The following ELMO1 variants were observed in gnomAD, a reference collection of about 807,000 sequenced individuals.
ELMO1 encodes engulfment and cell motility 1, also known as engulfment and cell motility protein 1.
A neutral mutation model predicts 98.9 loss-of-function variants in ELMO1; 26 were observed. The ratio of observed to expected loss-of-function variants is 0.26; its 90% confidence interval spans 0.19 to 0.36. ELMO1 has a LOEUF of 0.36. Ranked by LOEUF, ELMO1 falls within the 10% of genes least tolerant of loss-of-function variation. ELMO1 has a pLI of 1.00. For synonymous variants in ELMO1, 346 were observed against 346.0 expected (o/e 1.00, Z 0.00); for missense variants, 627 against 935.2 (o/e 0.67, Z 4.30).
chr7:36,910,194 T>C (rs897500827), intron 16 of ELMO1, among the ~76,000 whole-genome samples: 3 of 152,258 alleles, frequency 2.0e-5, no homozygotes, highest in Non-Finnish European at 2.9e-5. Context: ...GTCCGGTTGA[T>C]GGATCTGCCA....
At chr7:36,991,789 C>T (rs891612394) in intron 16 of ELMO1, among the ~76,000 whole-genome samples, 2 of 152,116 alleles carry the variant, frequency 1.3e-5, no homozygotes, top group South Asian at 2.1e-4. Context: ...AGGAGAGTAA[C>T]AAAAAATGCA....
At chr7:37,187,005 G>C (rs1187515342) in intron 13 of ELMO1, among the ~76,000 whole-genome samples, 1 of 152,172 alleles carries the variant, frequency 6.6e-6, no homozygotes, top group Non-Finnish European at 1.5e-5. Context: ...AACTTATACA[G>C]AAGTGTTCAT....
chr7:37,315,913 C>T lies in ELMO1; in HGVS notation c.119+7G>A, dbSNP rs776104750. ...AATGCCTTAGATAAATCCTGAGTAA[C>T]ACTTACCCATCACAGACTTCCTTTA... On this transcript the variant is annotated splice_region_variant and intron_variant, in intron 3 of 21. Coordinates refer to ENST00000310758, the MANE Select transcript of ELMO1 (RefSeq NM_014800.11). 6.3e-7 allele frequency: 1 copy of T among 1,599,832 alleles called. No homozygotes were observed. Among genetic ancestry groups the T allele is most frequent in the Non-Finnish European group, 8.5e-7 (1 of 1,175,656 alleles).
chr7:37,392,093 CG>C (rs1803104477), intron 1 of ELMO1, among the ~76,000 whole-genome samples: 1 of 152,096 alleles, frequency 6.6e-6, no homozygotes, highest in Admixed American at 6.5e-5. Context: ...GTCTGCAACC[CG>C]GGGAAGTTAA....
intron 1 of ELMO1, among the ~76,000 whole-genome samples, chr7:37,430,308 C>A (rs948973972): frequency 6.6e-6 from 1 of 152,206 alleles, no homozygotes; most frequent in Non-Finnish European, 1.5e-5. Context: ...GTGCCCACTG[C>A]GACCTCATCT....
chr7:37,246,304 T>C (rs184959587), intron 6 of ELMO1, among the ~76,000 whole-genome samples: 1 of 152,310 alleles, frequency 6.6e-6, no homozygotes, highest in African/African-American at 2.4e-5. Flanking sequence ...AGATAAGAAA[T>C]GTCAATGCCA....
rs181320598 is a variant in ELMO1 at position 37,009,442 on chromosome 7, A to G, written c.1437+3857T>C. On this transcript the variant is annotated intron_variant, in intron 16 of 21. Transcript: ENST00000310758. Reference sequence around the variant, plus strand: ...AAAACATTCCATCTGCTGCTTCCCAAGCCCGGAAGAGCAGACGACAGCTGC... The same window carrying G: ...AAAACATTCCATCTGCTGCTTCCCAGGCCCGGAAGAGCAGACGACAGCTGC... 9.8e-5 allele frequency among the ~76,000 whole-genome samples: 15 copies of G among 152,318 alleles called. No individual in the cohort carries two copies. In the East Asian group the frequency reaches 2.9e-3, roughly 29 times the overall value.
intron 14 of ELMO1, among the ~76,000 whole-genome samples, chr7:37,107,442 C>A (rs1006981076): frequency 6.6e-6 from 1 of 152,128 alleles, no homozygotes; most frequent in Non-Finnish European, 1.5e-5. Context: ...CTGTGGAATG[C>A]AAGAAAGACT....
At chr7:37,409,084 C>T (rs1304660882) in intron 1 of ELMO1, among the ~76,000 whole-genome samples, 1 of 148,898 alleles carries the variant, frequency 6.7e-6, no homozygotes, top group Non-Finnish European at 1.5e-5. Flanking sequence ...AGCACAATAT[C>T]AGCAGAAAGG....
chr7:37,374,710 C>T (rs1163287104), intron 1 of ELMO1, among the ~76,000 whole-genome samples: 1 of 151,736 alleles, frequency 6.6e-6, no homozygotes, highest in Non-Finnish European at 1.5e-5. Context: ...AAGATTGCAT[C>T]ACTGCACTCC....
chr7:37,380,455 G>A (rs976781678), intron 1 of ELMO1, among the ~76,000 whole-genome samples: 3 of 152,120 alleles, frequency 2.0e-5, no homozygotes, highest in African/African-American at 7.2e-5. Context: ...ATTTTACCTG[G>A]GATAGGATGA....
chr7:37,299,586 G>A (rs1282654333), intron 4 of ELMO1, among the ~76,000 whole-genome samples: 6 of 57,640 alleles, frequency 1.0e-4, no homozygotes, highest in Non-Finnish European at 1.8e-4. Flanking sequence ...GTAGGTATGC[G>A]GCGTTATTTC....
chr7:37,334,260 A>G (rs1800276388), intron 2 of ELMO1, among the ~76,000 whole-genome samples: 1 of 152,168 alleles, frequency 6.6e-6, no homozygotes, highest in Admixed American at 6.5e-5. Flanking sequence ...AGCCTGGCCA[A>G]CATGATGAAA....
chr7:37,218,916 T>A (rs10233014), intron 10 of ELMO1, among the ~76,000 whole-genome samples: 43,956 of 152,152 alleles, frequency 0.29, 7,178 homozygotes, highest in African/African-American at 0.44. Flanking sequence ...ACAAGTTTTT[T>A]AAATAGTGCT....
At chr7:37,196,030 G>A (rs529376697) in intron 13 of ELMO1, among the ~76,000 whole-genome samples, 1 of 152,316 alleles carries the variant, frequency 6.6e-6, no homozygotes, top group South Asian at 2.1e-4. Flanking sequence ...AGGAAGATGA[G>A]CACTCAGGAC....
At chr7:37,038,532 T>C (rs776952398) in intron 15 of ELMO1, among the ~76,000 whole-genome samples, 2 of 152,182 alleles carry the variant, frequency 1.3e-5, no homozygotes, top group African/African-American at 4.8e-5. Flanking sequence ...ATAAAAGTCA[T>C]TGCTTTTTTT....
Position 37,185,119 on chromosome 7 carries a change from T to C in ELMO1, c.1086+26267A>G, listed in dbSNP as rs1012765215. Among the ~76,000 whole-genome samples, 6 of 152,340 alleles carry C rather than the reference T, an allele frequency of 3.9e-5. No homozygotes were observed. In the East Asian group the frequency reaches 1.2e-3, roughly 29 times the overall value. On this transcript the variant is annotated intron_variant, in intron 13 of 21. Coordinates refer to ENST00000310758, the MANE Select transcript of ELMO1 (RefSeq NM_014800.11). ...AAAACTGTCTTAAAGAGCGGAGTTATTCTGAATCAAATATGATAGCCTAAA... is the reference window on the plus strand; with the variant it reads ...AAAACTGTCTTAAAGAGCGGAGTTACTCTGAATCAAATATGATAGCCTAAA...
chr7:37,223,914 C>T (rs940829657), intron 9 of ELMO1, among the ~76,000 whole-genome samples: 2 of 152,164 alleles, frequency 1.3e-5, no homozygotes, highest in Non-Finnish European at 2.9e-5. Flanking sequence ...CCCTGCACCA[C>T]CAACCCAAAT....
At position 37,313,498 on chromosome 7, in the gene ELMO1, T is replaced by TATA. The variant is rs774244444; in HGVS notation, c.192+1351_192+1352insTAT. Among the ~76,000 whole-genome samples, 220 of 152,304 alleles carry TATA rather than the reference T, an allele frequency of 1.4e-3. 1 individual carries two copies. The highest frequency in any genetic ancestry group is 1.4e-3 in the Non-Finnish European group (93 of 68,030). ...CCTTGGCCTCCCAAAGTGCTGGAAT[T>TATA]ACAGACGTGAGCCACCGCACCTGGC... On this transcript the variant is annotated intron_variant, in intron 4 of 21. Coordinates refer to ENST00000310758, the MANE Select transcript of ELMO1 (RefSeq NM_014800.11).
Sources: gnomAD v4.1 joint callset for allele counts (sites outside exome capture counted in the v4.1 genomes callset) on GRCh38, gnomAD v4.1.1 for gene constraint, MANE v1.5 for transcripts, NCBI Gene and HGNC (gene_info 2026-07-23, HGNC 2026-07-21) for gene names.